The following TMEM245 variants were observed in gnomAD, a reference collection of about 807,000 sequenced individuals.
The protein encoded by TMEM245 is transmembrane protein 245.
Under a neutral mutation model 101.2 loss-of-function variants are expected in TMEM245, and 69 were observed. The ratio of observed to expected loss-of-function variants is 0.68; its 90% CI spans 0.56 to 0.83. The LOEUF is 0.83. TMEM245 is among the 40% of genes least tolerant of loss of function. TMEM245 has a pLI of 0.00. For synonymous variants in TMEM245, 537 were observed against 449.8 expected, an observed-to-expected ratio of 1.19 and a Z score of -2.45; for missense variants, 1,075 against 1,092.8, an observed-to-expected ratio of 0.98 and a Z score of 0.23.
At chr9:109,100,379 A>G (rs756040376) in intron 3 of TMEM245, among the ~76,000 whole-genome samples, 1 of 152,190 alleles carries the variant, frequency 6.6e-6, no homozygotes, top group Admixed American at 6.5e-5. Flanking sequence ...GCTGGAGTAC[A>G]GTGGCATGAT....
At chr9:109,106,418 A>G (rs7871742) in intron 3 of TMEM245, 90 bp downstream of exon 3, 94,653 of 746,152 alleles carry the variant, frequency 0.13, 6,742 homozygotes, top group African/African-American at 0.19. Context: ...TTTTAAATAG[A>G]TTCAAAGCTG....
chr9:109,043,998 T>A (rs1390270543), intron 14 of TMEM245, among the ~76,000 whole-genome samples: 1 of 152,198 alleles, frequency 6.6e-6, no homozygotes, highest in Non-Finnish European at 1.5e-5. Flanking sequence ...GGTGTGAATA[T>A]CCATGCCTCC....
intron 3 of TMEM245, among the ~76,000 whole-genome samples, chr9:109,101,703 CTG>C (rs901118161): frequency 2.0e-5 from 3 of 152,190 alleles, no homozygotes; most frequent in Non-Finnish European, 4.4e-5. Flanking sequence ...AACATTTATT[CTG>C]TGTGTCTGTG....
At chr9:109,054,089 G>A (rs1023985551) in intron 12 of TMEM245, among the ~76,000 whole-genome samples, 2 of 152,168 alleles carry the variant, frequency 1.3e-5, no homozygotes, top group African/African-American at 4.8e-5. Flanking sequence ...CCAGCACTTT[G>A]GGAGGCCGAG....
chr9:109,057,895 A>G (rs988454419), intron 11 of TMEM245, among the ~76,000 whole-genome samples: 9 of 146,838 alleles, frequency 6.1e-5, no homozygotes, highest in African/African-American at 2.3e-4. Context: ...ATTTCTCAGT[A>G]TCTACAACAC....
chr9:109,111,787 A>G (rs1177013458), intron 1 of TMEM245, among the ~76,000 whole-genome samples: 1 of 152,202 alleles, frequency 6.6e-6, no homozygotes, highest in Admixed American at 6.5e-5. Context: ...TACAGTGTCA[A>G]TTTATTCGTG....
At chr9:109,108,432 A>AAAG (rs1283068911) in intron 2 of TMEM245, 21 bp downstream of exon 2, 1 of 1,401,128 alleles carries the variant, frequency 7.1e-7, no homozygotes, top group East Asian at 2.5e-5. Flanking sequence ...AAAAAAAAAA[A>AAAG]AAAAAAAAGA....
At chr9:109,089,183 C>T (rs1271493137) in intron 5 of TMEM245, among the ~76,000 whole-genome samples, 1 of 151,746 alleles carries the variant, frequency 6.6e-6, no homozygotes, top group African/African-American at 2.4e-5. Context: ...ATCACTTGAG[C>T]CTGAGAGATC....
intron 8 of TMEM245, among the ~76,000 whole-genome samples, chr9:109,074,090 C>A (rs758311213): frequency 3.9e-5 from 6 of 151,948 alleles, no homozygotes; most frequent in Non-Finnish European, 5.9e-5. Context: ...GAACTCCTGA[C>A]CTCAAGGGAT....
intron 3 of TMEM245, among the ~76,000 whole-genome samples, chr9:109,102,115 A>G (rs1272642163): frequency 6.6e-6 from 1 of 152,250 alleles, no homozygotes; most frequent in Non-Finnish European, 1.5e-5. Flanking sequence ...CAGAAAAACA[A>G]GTCGAAACTG....
rs756659463 is a variant in TMEM245 at position 109,050,350 on chromosome 9, G to C, written c.2056C>G (p.Leu686Val). The C allele has an allele frequency of 1.9e-6, 3 of 1,613,944 alleles. No homozygotes were observed. The highest frequency in any genetic ancestry group is 2.5e-6 in the Non-Finnish European group (3 of 1,180,040). ...GGACCTGGCTGAGATAGTGGAGTCA[G>C]GCTTATCACCCACTTCACTGGCTTG... ...YYKPVKWVIS[L>V]TPLSQPGPSS... Residue 686 changes from leucine to valine, a missense_variant, in exon 14 of 18, where the codon CTG (leucine) becomes GTG (valine). By Grantham distance (32) the Leu-to-Val change is conservative (BLOSUM62 1). Around this residue, in one of 2 missense-constraint regions of TMEM245, gnomAD observed 267 missense variants for 351.3 expected, o/e 0.76. Transcript: ENST00000374586.
intron 6 of TMEM245, among the ~76,000 whole-genome samples, chr9:109,086,368 C>G (rs1020969219): frequency 6.6e-6 from 1 of 152,144 alleles, no homozygotes; most frequent in African/African-American, 2.4e-5. Flanking sequence ...AAGAAACTCC[C>G]GCCTGTGCTT....
Position 109,017,418 on chromosome 9 carries a change from T to C in TMEM245, c.*3042A>G, listed in dbSNP as rs1017401329. On this transcript the variant is annotated 3_prime_UTR_variant, in exon 18 of 18. Transcript: ENST00000374586. ...TGTAAGGTGGTCTTACAGAGATCAC[T>C]TGCAGGAACAGATATTGATAGGAAC... The C allele has an allele frequency of 6.6e-6, 1 of 152,174 alleles. No homozygotes were observed. The highest frequency in any genetic ancestry group is 2.4e-5 in the African/African-American group (1 of 41,436). The allele number at this position is 152,174 out of a possible 1,614,324, so 9.4% of individuals were successfully genotyped here. A position where few individuals can be genotyped will look rare whatever the true frequency, so the allele number is the denominator to read the frequency against.
intron 11 of TMEM245, 136 bp downstream of exon 11, chr9:109,060,218 A>C (rs140192017): frequency 0.011 from 6,731 of 627,374 alleles, 62 homozygotes; most frequent in Non-Finnish European, 0.014. Context: ...ACTTTTAGTG[A>C]CCTGAGGCTT....
At chr9:109,116,613 C>T (rs999291814) in intron 1 of TMEM245, among the ~76,000 whole-genome samples, 1 of 151,920 alleles carries the variant, frequency 6.6e-6, no homozygotes, top group Non-Finnish European at 1.5e-5. Context: ...CTCACTGCAA[C>T]CTCCAACTCT....
intron 3 of TMEM245, among the ~76,000 whole-genome samples, chr9:109,095,879 T>G (rs926479711): frequency 6.6e-6 from 1 of 152,152 alleles, no homozygotes; most frequent in Admixed American, 6.5e-5. Context: ...AGACCATTCT[T>G]GCTTGTCTGG....
At chr9:109,109,502 A>C in intron 1 of TMEM245, among the ~76,000 whole-genome samples, 1 of 152,088 alleles carries the variant, frequency 6.6e-6, no homozygotes, top group East Asian at 1.9e-4. Context: ...TGAAGAAAAA[A>C]GAACTGATGG....
At chr9:109,104,546 C>T (rs976033908) in intron 3 of TMEM245, among the ~76,000 whole-genome samples, 1 of 152,022 alleles carries the variant, frequency 6.6e-6, no homozygotes, top group Non-Finnish European at 1.5e-5. Context: ...AACAGGAAAG[C>T]TGATCATAAA....
chr9:109,119,602 C>T lies in TMEM245; in HGVS notation c.312G>A (p.Leu104=), dbSNP rs764124806. The change falls in exon 1 of 18, where the codon CTG becomes CTA. Residue 104 remains leucine, a synonymous_variant. Coordinates refer to ENST00000374586, the MANE Select transcript of TMEM245 (RefSeq NM_032012.4). ...GCAGGCGCTGCAGCCAGTGGCGGCC[C>T]AGGCGCGTCAGCGAGCTCTTGAAGG... is the stretch of plus-strand genomic sequence containing the variant. The part of the protein sequence containing the change: ...LHPFKSSLTR[L]GRHWLQRLHR... The T allele has an allele frequency of 4.5e-6, 7 of 1,555,276 alleles. No homozygotes were observed. In the East Asian group the frequency reaches 1.4e-4, roughly 32 times the overall value.
Sources: gnomAD v4.1 joint callset for allele counts (sites outside exome capture counted in the v4.1 genomes callset) on GRCh38, gnomAD v4.1.1 for gene constraint, gnomAD v4.1.1 regional missense constraint, MANE v1.5 for transcripts, NCBI Gene and HGNC (gene_info 2026-07-23, HGNC 2026-07-21) for gene names.